The following MTUS2 variants were observed in gnomAD, a reference collection of about 807,000 sequenced individuals.
MTUS2 encodes microtubule associated scaffold protein 2, also known as microtubule-associated tumor suppressor candidate 2.
Under a neutral mutation model 114.1 loss-of-function variants are expected in MTUS2, and 40 were observed. The observed-to-expected ratio is 0.35, with a 90% CI of 0.27 to 0.46. The LOEUF (loss-of-function observed/expected upper bound fraction) is 0.46. Ranked by LOEUF, MTUS2 falls within the 20% of genes least tolerant of loss-of-function variation. MTUS2 has a pLI of 1.00. For missense variants in MTUS2, 1,679 were observed against 1,705.4 expected (o/e 0.98, Z 0.27); for synonymous variants, 688 against 672.0 (o/e 1.02, Z -0.37).
At chr13:28,937,542 G>A (rs1881974500) in intron 2 of MTUS2, among the ~76,000 whole-genome samples, 1 of 152,090 alleles carries the variant, frequency 6.6e-6, no homozygotes, top group Non-Finnish European at 1.5e-5. Context: ...TATAAGCGAA[G>A]GTCCCTGGCT....
chr13:28,833,425 A>G lies in MTUS2; in HGVS notation c.-315-6353A>G, dbSNP rs575842428. ...TAACATCTGAAAATCAATCAATTTA[A>G]TATACCATATTAATAGAATAAAATA... On this transcript the variant is annotated intron_variant, in intron 1 of 15. Transcript: ENST00000612955. Among the ~76,000 whole-genome samples, 190 of 152,172 alleles carry G rather than the reference A, an allele frequency of 1.2e-3. 2 individuals carry two copies. Among genetic ancestry groups the G allele is most frequent in the Non-Finnish European group, 2.3e-3 (158 of 67,986 alleles).
intron 12 of MTUS2, among the ~76,000 whole-genome samples, chr13:29,495,640 G>A (rs760654808): frequency 6.6e-6 from 1 of 152,148 alleles, no homozygotes; most frequent in Non-Finnish European, 1.5e-5. Context: ...GGAGGCCGAG[G>A]TGGGTGGATC....
At chr13:28,830,682 A>G (rs1248344664) in intron 1 of MTUS2, among the ~76,000 whole-genome samples, 2 of 152,176 alleles carry the variant, frequency 1.3e-5, no homozygotes, top group Non-Finnish European at 2.9e-5. Context: ...ATACCAACAT[A>G]TGTATAATTG....
chr13:29,469,741 A>G (rs1318344009), intron 9 of MTUS2, among the ~76,000 whole-genome samples: 1 of 152,026 alleles, frequency 6.6e-6, no homozygotes, highest in Non-Finnish European at 1.5e-5. Context: ...CAAGAGTTAC[A>G]GGCTGCAGTG....
chr13:28,945,297 A>ACC (rs1319306242), intron 2 of MTUS2, among the ~76,000 whole-genome samples: 4 of 35,910 alleles, frequency 1.1e-4, no homozygotes, highest in Non-Finnish European at 5.9e-4. Flanking sequence ...GAGGGAAGGT[A>ACC]TCTTCGATAT....
At chr13:29,021,979 G>A (rs1886311387) in intron 2 of MTUS2, among the ~76,000 whole-genome samples, 1 of 152,154 alleles carries the variant, frequency 6.6e-6, no homozygotes, top group African/African-American at 2.4e-5. Context: ...AAAAGCATGA[G>A]AGCGGGGAGG....
At chr13:28,922,716 A>G (rs1455494942) in intron 2 of MTUS2, among the ~76,000 whole-genome samples, 1 of 152,198 alleles carries the variant, frequency 6.6e-6, no homozygotes, top group African/African-American at 2.4e-5. Context: ...GACGGGTGGC[A>G]TTGGCACTTC....
chr13:29,120,226 A>T (rs569962945), intron 5 of MTUS2, among the ~76,000 whole-genome samples: 180 of 152,262 alleles, frequency 1.2e-3, no homozygotes, highest in Non-Finnish European at 1.5e-3. Flanking sequence ...TACTTTACTA[A>T]TATTTAAAAA....
chr13:29,428,883 G>A (rs750014119), intron 8 of MTUS2: 2 of 1,614,068 alleles, frequency 1.2e-6, no homozygotes, highest in Non-Finnish European at 1.7e-6. Context: ...TGCCTTCAGT[G>A]CCTGGACAAG....
At chr13:29,287,376 C>A (rs2139562817) in intron 6 of MTUS2, among the ~76,000 whole-genome samples, 1 of 152,334 alleles carries the variant, frequency 6.6e-6, no homozygotes, top group South Asian at 2.1e-4. Context: ...GATGCCTTAA[C>A]CTCTGTGTGG....
chr13:29,205,987 T>G (rs774063082), intron 5 of MTUS2, among the ~76,000 whole-genome samples: 7 of 152,200 alleles, frequency 4.6e-5, no homozygotes, highest in African/African-American at 1.7e-4. Context: ...GTCTCCACAC[T>G]GTTTTCCATA....
At chr13:28,961,417 A>G (rs1883323228) in intron 2 of MTUS2, among the ~76,000 whole-genome samples, 1 of 152,164 alleles carries the variant, frequency 6.6e-6, no homozygotes, top group African/African-American at 2.4e-5. Context: ...AGGAAAAACA[A>G]TTAGAATGAC....
At chr13:29,269,672 C>G (rs1897802683) in intron 5 of MTUS2, among the ~76,000 whole-genome samples, 1 of 152,128 alleles carries the variant, frequency 6.6e-6, no homozygotes, top group South Asian at 2.1e-4. Flanking sequence ...AAAATTAACA[C>G]TAGAACTACC....
intron 9 of MTUS2, among the ~76,000 whole-genome samples, chr13:29,461,162 G>T (rs1879459157): frequency 6.6e-6 from 1 of 152,138 alleles, no homozygotes; most frequent in Non-Finnish European, 1.5e-5. Context: ...AAGGAAAAGT[G>T]CAAGAGAGAG....
At chr13:29,278,054 G>A (rs1181990732) in intron 5 of MTUS2, among the ~76,000 whole-genome samples, 2 of 152,318 alleles carry the variant, frequency 1.3e-5, no homozygotes, top group East Asian at 3.9e-4. Flanking sequence ...TGGCTTGGCA[G>A]ATAATGCAAG....
intron 2 of MTUS2, among the ~76,000 whole-genome samples, chr13:28,947,179 A>G (rs1422202886): frequency 6.6e-6 from 1 of 152,194 alleles, no homozygotes; most frequent in Non-Finnish European, 1.5e-5. Context: ...CCTTGAATTT[A>G]CTAATTAAAG....
At chr13:29,014,046 C>T (rs1885963948) in intron 2 of MTUS2, among the ~76,000 whole-genome samples, 1 of 152,240 alleles carries the variant, frequency 6.6e-6, no homozygotes, top group African/African-American at 2.4e-5. Context: ...TTGCTCCTTA[C>T]ACTGTGTGTT....
chr13:29,087,948 A>G (rs1593462389), intron 4 of MTUS2, among the ~76,000 whole-genome samples: 1 of 151,890 alleles, frequency 6.6e-6, no homozygotes, highest in African/African-American at 2.4e-5. Flanking sequence ...AGTCCCAGCT[A>G]CTTGGGAGGC....
chr13:28,833,888 T>TA (rs1479452723), intron 1 of MTUS2, among the ~76,000 whole-genome samples: 10 of 152,130 alleles, frequency 6.6e-5, no homozygotes, highest in African/African-American at 2.4e-4. Flanking sequence ...TCTCTGCACT[T>TA]ACAATTAATA....
Sources: allele counts gnomAD v4.1 joint callset (sites outside exome capture counted in the v4.1 genomes callset), GRCh38; gene constraint gnomAD v4.1.1; transcripts MANE v1.5; gene names NCBI Gene and HGNC (gene_info 2026-07-23, HGNC 2026-07-21).